ZFHX3: variants seen among roughly 807,000 people sequenced by gnomAD.
The protein encoded by ZFHX3 is zinc finger homeobox 3.
In ZFHX3, 42 loss-of-function variants were observed where a neutral mutation model predicts 279.1. The observed-to-expected ratio is 0.15, with a 90% CI of 0.12 to 0.19. The LOEUF (loss-of-function observed/expected upper bound fraction) is 0.19. Ranked by LOEUF, ZFHX3 falls within the 10% of genes least tolerant of loss-of-function variation. ZFHX3 has a pLI of 1.00. For missense variants in ZFHX3, 4,981 were observed against 4,754.0 expected (o/e 1.05, Z -1.40); for synonymous variants, 2,293 against 1,957.8 (o/e 1.17, Z -4.52).
intron 1 of ZFHX3, among the ~76,000 whole-genome samples, chr16:73,717,222 A>G (rs1056139301): frequency 6.6e-6 from 1 of 152,190 alleles, no homozygotes; most frequent in African/African-American, 2.4e-5. Context: ...AGTGTGGAAT[A>G]AAAAGAAACA....
At chr16:73,184,927 G>A (rs1368943256) in intron 5 of ZFHX3, among the ~76,000 whole-genome samples, 10 of 152,106 alleles carry the variant, frequency 6.6e-5, no homozygotes, top group African/African-American at 2.2e-4. Flanking sequence ...TGGTGAGATC[G>A]GCAGGGCCGG....
chr16:73,576,753 A>G lies in ZFHX3; in HGVS notation c.-1547+103427T>C, dbSNP rs367977617. Among the ~76,000 whole-genome samples, 24 of 152,282 alleles carry G rather than the reference A, an allele frequency of 1.6e-4. No individual in the cohort carries two copies. In the East Asian group the frequency reaches 4.2e-3, roughly 27 times the overall value. On this transcript the variant is annotated intron_variant, in intron 2 of 17. Coordinates refer to the ZFHX3 transcript ENST00000641206. ...CCTTCTATTTTAGGTTTAGGGTTAC[A>G]TGTGCAGGTTTGTTATATAGGTAAA...
At chr16:73,703,392 G>A (rs2053270208) in intron 1 of ZFHX3, among the ~76,000 whole-genome samples, 1 of 151,774 alleles carries the variant, frequency 6.6e-6, no homozygotes, top group African/African-American at 2.4e-5. Flanking sequence ...AGAAAAAAAT[G>A]AGTCATTTTT....
intron 5 of ZFHX3, among the ~76,000 whole-genome samples, chr16:73,157,346 G>C (rs1042781519): frequency 1.3e-5 from 2 of 151,048 alleles, no homozygotes; most frequent in South Asian, 4.2e-4. Context: ...ACACGGACTT[G>C]TGTTGTGGAA....
intron 5 of ZFHX3, among the ~76,000 whole-genome samples, chr16:73,251,203 C>A (rs1243469671): frequency 6.6e-6 from 1 of 152,084 alleles, no homozygotes; most frequent in Non-Finnish European, 1.5e-5. Context: ...TCCAAAGTAC[C>A]AAAAATGACT....
chr16:73,690,739 G>T (rs993524542), intron 1 of ZFHX3, among the ~76,000 whole-genome samples: 2 of 152,200 alleles, frequency 1.3e-5, no homozygotes, highest in Admixed American at 1.3e-4. Flanking sequence ...AAGACTTGAT[G>T]TGAATAAGCC....
intron 3 of ZFHX3, among the ~76,000 whole-genome samples, chr16:73,425,426 A>G (rs571293547): frequency 6.6e-6 from 1 of 152,312 alleles, no homozygotes; most frequent in South Asian, 2.1e-4. Context: ...TTATAATCTC[A>G]TATAATCGTC....
intron 7 of ZFHX3, among the ~76,000 whole-genome samples, chr16:73,130,186 G>A (rs1389070400): frequency 6.6e-6 from 1 of 151,994 alleles, no homozygotes; most frequent in East Asian, 1.9e-4. Context: ...GTTTGCGCAT[G>A]TAAAGTTCCG....
chr16:72,871,723 C>A (rs956849343), intron 4 of ZFHX3, among the ~76,000 whole-genome samples: 3 of 149,538 alleles, frequency 2.0e-5, no homozygotes, highest in Admixed American at 2.0e-4. Context: ...GTGATCCGCC[C>A]GCCTCAGCCT....
Position 73,010,206 on chromosome 16 carries a change from C to T in ZFHX3, c.-50+37546G>A, listed in dbSNP as rs374269366. ...ACTCGCCCTGCTGGGGAGAAGCCAC[C>T]CAGCAGCCACCCTAGGAGCCTGGCA... is the stretch of plus-strand genomic sequence containing the variant. On this transcript the variant is annotated intron_variant, in intron 1 of 9. Transcript: ENST00000268489. Among the ~76,000 whole-genome samples the T allele has an allele frequency of 1.2e-3, 189 of 152,100 alleles. 2 individuals carry two copies. The highest frequency in any genetic ancestry group is 0.012 in the South Asian group (59 of 4,822).
At chr16:73,840,575 T>C (rs1401393911) in intron 1 of ZFHX3, among the ~76,000 whole-genome samples, 1 of 152,224 alleles carries the variant, frequency 6.6e-6, no homozygotes, top group Non-Finnish European at 1.5e-5. Context: ...AAGGATTTAA[T>C]GTTCCCTGTG....
chr16:73,717,363 C>T (rs1377358179), intron 1 of ZFHX3, among the ~76,000 whole-genome samples: 1 of 151,842 alleles, frequency 6.6e-6, no homozygotes, highest in Admixed American at 6.5e-5. Context: ...TCCCATTTGA[C>T]TTATTCCCTT....
intron 2 of ZFHX3, among the ~76,000 whole-genome samples, chr16:73,546,408 T>C (rs1414888518): frequency 2.0e-5 from 3 of 151,280 alleles, no homozygotes; most frequent in Non-Finnish European, 4.4e-5. Context: ...TTCAGTGTGA[T>C]GCTGGAGGTA....
At chr16:73,726,760 C>G (rs774390941) in intron 1 of ZFHX3, among the ~76,000 whole-genome samples, 2 of 152,200 alleles carry the variant, frequency 1.3e-5, no homozygotes, top group East Asian at 1.9e-4. Context: ...AAATCACCCA[C>G]TATCATGAGA....
chr16:73,156,860 C>T (rs1057164190), intron 5 of ZFHX3, among the ~76,000 whole-genome samples: 1 of 152,068 alleles, frequency 6.6e-6, no homozygotes, highest in Admixed American at 6.6e-5. Flanking sequence ...ATTACAGGCA[C>T]GTGCCGCCAC....
intron 1 of ZFHX3, among the ~76,000 whole-genome samples, chr16:73,845,850 T>G (rs1007630807): frequency 1.8e-4 from 27 of 152,232 alleles, no homozygotes; most frequent in African/African-American, 6.5e-4. Flanking sequence ...AGTCTCACTC[T>G]GCCACCCAGG....
chr16:72,939,925 CCACCA>C (rs1364388884), intron 3 of ZFHX3, among the ~76,000 whole-genome samples: 2 of 152,148 alleles, frequency 1.3e-5, no homozygotes, highest in Non-Finnish European at 2.9e-5. Context: ...ACTATAAGCA[CCACCA>C]CACCCTGATA....
intron 1 of ZFHX3, among the ~76,000 whole-genome samples, chr16:73,885,177 T>A (rs1289588735): frequency 6.6e-6 from 1 of 152,082 alleles, no homozygotes; most frequent in Non-Finnish European, 1.5e-5. Context: ...ATCTAGCACC[T>A]TTCTGAAGAC....
In ZFHX3 at chr16:73,836,283, A is replaced by G. The variant is rs573160348; in HGVS notation, c.-1608+55368T>C. Among the ~76,000 whole-genome samples the G allele has an allele frequency of 2.6e-5, 4 of 152,338 alleles. No individual in the cohort carries two copies. The South Asian group carries it at 6.2e-4, about 24-fold the overall frequency. ...GTTTGTCTGCAAAGTCCACTACTAC[A>G]GGAGACAGTAAGCAACTTGAGGATG... On this transcript the variant is annotated intron_variant, in intron 1 of 17. Coordinates refer to the ZFHX3 transcript ENST00000641206.
Sources: allele counts gnomAD v4.1 joint callset (sites outside exome capture counted in the v4.1 genomes callset), GRCh38; gene constraint gnomAD v4.1.1; transcripts MANE v1.5; gene names NCBI Gene and HGNC (gene_info 2026-07-23, HGNC 2026-07-21).